The following NTAQ1 variants were observed in gnomAD, a reference collection of about 807,000 sequenced individuals.
NTAQ1 encodes protein N-terminal glutamine amidohydrolase.
Under a neutral mutation model 28.2 loss-of-function variants are expected in NTAQ1, and 21 were observed. That is an observed-to-expected ratio of 0.74 (90% CI 0.53 to 1.07). The LOEUF (loss-of-function observed/expected upper bound fraction) is 1.07. Ranked by LOEUF, NTAQ1 falls within the 50% of genes least tolerant of loss-of-function variation. The pLI is 0.00. For missense variants in NTAQ1, 264 were observed against 256.6 expected, an observed-to-expected ratio of 1.03 and a Z score of -0.20; for synonymous variants, 105 against 90.0, an observed-to-expected ratio of 1.17 and a Z score of -0.94.
rs1037449974 is a variant in NTAQ1, at chr8:123,416,893, G to A, written c.44G>A (p.Ser15Asn). The change falls in exon 1 of 6, where the codon AGC (serine) becomes AAC (asparagine). Residue 15 changes from serine (S) to asparagine (N), a missense_variant. Coordinates refer to ENST00000287387, the MANE Select transcript of NTAQ1 (RefSeq NM_018024.3). ...GCTGCTGTCCACTACCAGCCGGCCA[G>A]CCCCCCGCGGGACGCCTGCGTCTAC... ...GPAAVHYQPA[S>N]PPRDACVYSS... is the part of the protein sequence containing the mutation. 1.3e-6 allele frequency: 2 copies of A among 1,526,196 alleles called. No individual in the cohort carries two copies. The highest frequency in any genetic ancestry group is 1.8e-6 in the Non-Finnish European group (2 of 1,137,608). 94.5% of individuals were successfully genotyped at this position (1,526,196 alleles called of 1,614,324 possible).
chr8:123,448,008 G>C (rs7012343), intron 6 of NTAQ1: 108,820 of 152,022 alleles, frequency 0.72, 39,270 homozygotes, highest in East Asian at 0.93. Flanking sequence ...TGTGAAACTC[G>C]TGCCCACTCC....
At position 123,441,629 on chromosome 8, in the gene NTAQ1, A is replaced by G. The variant is rs1815074743; in HGVS notation, c.*214A>G. ...CAAATTGAAACTTGATAAAGTGCGTACTTGCTAAGATATTCCTGTGGCTCA... is the reference window on the plus strand; with the variant it reads ...CAAATTGAAACTTGATAAAGTGCGTGCTTGCTAAGATATTCCTGTGGCTCA... On this transcript the variant is annotated 3_prime_UTR_variant, in exon 6 of 6. Coordinates refer to ENST00000287387, the MANE Select transcript of NTAQ1 (RefSeq NM_018024.3). 1 of 564,382 alleles carries G rather than the reference A, an allele frequency of 1.8e-6. No individual in the cohort carries two copies. Among genetic ancestry groups the G allele is most frequent in the South Asian group, 2.3e-5 (1 of 43,928 alleles). The allele number at this position is 564,382 out of a possible 1,614,324, so 35.0% of individuals were successfully genotyped here. A position where few individuals can be genotyped will look rare whatever the true frequency, so the allele number is the denominator to read the frequency against.
In NTAQ1 at chr8:123,441,365, G is replaced by A. The variant is rs148930212; in HGVS notation, c.568G>A (p.Val190Ile). The change falls in exon 6 of 6, where the codon GTC becomes ATC. Residue 190 changes from valine to isoleucine, a missense_variant. Coordinates refer to ENST00000287387, the MANE Select transcript of NTAQ1 (RefSeq NM_018024.3). Reference sequence around the variant, plus strand: ...GGATCCCAAGGTAGGATGGGGCGCCGTCTACACACTATCCGAATTTACACA... The same window carrying A: ...GGATCCCAAGGTAGGATGGGGCGCCATCTACACACTATCCGAATTTACACA... ...SMDPKVGWGAVYTLSEFTHRF... is the reference protein window; with the variant it reads ...SMDPKVGWGAIYTLSEFTHRF... 4.1e-4 allele frequency: 663 copies of A among 1,612,016 alleles called. No homozygotes were observed. The Middle Eastern group carries it at 5.1e-3, about 12-fold the overall frequency.
At chr8:123,447,039 G>A (rs75337987), downstream of NTAQ1, among the ~76,000 whole-genome samples, 6 of 140,334 alleles carry the variant, frequency 4.3e-5, no homozygotes, top group Admixed American at 7.3e-5. Context: ...TATTCTGTCT[G>A]TCTATCTATA....
In NTAQ1 at chr8:123,459,698, T is replaced by C. The variant is rs984979867; in HGVS notation, c.373-7381T>C. ...GGTACCTGGGGCAGAGACCCAATAA[T>C]TCCAACAAAAGTTTCTCCTAGAACC... On this transcript the variant is annotated intron_variant, in intron 6 of 6. Coordinates refer to the NTAQ1 transcript ENST00000650311. Among the ~76,000 whole-genome samples the C allele has an allele frequency of 3.3e-5, 5 of 152,082 alleles. No individual in the cohort carries two copies. In the South Asian group the frequency reaches 1.0e-3, roughly 32 times the overall value.
intron 1 of NTAQ1, among the ~76,000 whole-genome samples, chr8:123,420,235 T>C (rs1448245175): frequency 6.6e-6 from 1 of 152,188 alleles, no homozygotes; most frequent in Admixed American, 6.5e-5. Context: ...TTGCTGCAAA[T>C]GACATGATTT....
intron 6 of NTAQ1, among the ~76,000 whole-genome samples, chr8:123,457,048 A>T (rs530589512): frequency 3.9e-4 from 59 of 152,206 alleles, no homozygotes; most frequent in South Asian, 1.4e-3. Context: ...AAAATTTTTT[A>T]AAAAATCTAT....
At chr8:123,429,248 T>G (rs1021461782) in intron 2 of NTAQ1, among the ~76,000 whole-genome samples, 1 of 152,138 alleles carries the variant, frequency 6.6e-6, no homozygotes, top group Non-Finnish European at 1.5e-5. Context: ...CTAGTTCAGA[T>G]CCCTTTTCAC....
intron 3 of NTAQ1, chr8:123,435,604 C>T: frequency 1.1e-6 from 1 of 889,242 alleles, no homozygotes; most frequent in Non-Finnish European, 1.3e-6. Flanking sequence ...CTGTGGCTCA[C>T]ACCTGTAATT....
intron 1 of NTAQ1, among the ~76,000 whole-genome samples, chr8:123,425,124 C>T (rs2130186880): frequency 6.6e-6 from 1 of 152,062 alleles, no homozygotes; most frequent in African/African-American, 2.4e-5. Flanking sequence ...GGTTGTCTCT[C>T]TCTGTCGCCC....
exon 7 of NTAQ1, among the ~76,000 whole-genome samples, chr8:123,469,169 T>G (rs1238819989): frequency 6.6e-6 from 1 of 152,238 alleles, no homozygotes; most frequent in Non-Finnish European, 1.5e-5. Context: ...ATTCCATAAG[T>G]TGCCTTTTCA....
downstream of NTAQ1, among the ~76,000 whole-genome samples, chr8:123,443,548 T>G (rs1310772929): frequency 6.6e-6 from 1 of 152,194 alleles, no homozygotes; most frequent in Non-Finnish European, 1.5e-5. Context: ...GCCTGCTCTG[T>G]ATCAGATTGA....
chr8:123,428,053 A>G (rs747931442), intron 2 of NTAQ1, 30 bp downstream of exon 2: 7 of 1,508,756 alleles, frequency 4.6e-6, no homozygotes, highest in Non-Finnish European at 4.5e-6. Flanking sequence ...CAGAAAGAAA[A>G]CAAGAGATTT....
intron 1 of NTAQ1, among the ~76,000 whole-genome samples, chr8:123,419,096 T>TG (rs1813500742): frequency 1.6e-4 from 1 of 6,118 alleles, no homozygotes; most frequent in Admixed American, 5.2e-3. Context: ...TTTTTTTTTT[T>TG]TTTTTTTTTT....
intron 5 of NTAQ1, among the ~76,000 whole-genome samples, chr8:123,438,454 G>A (rs944552481): frequency 9.9e-5 from 15 of 152,098 alleles, no homozygotes; most frequent in Non-Finnish European, 7.4e-5. Context: ...TCAGGAGTTC[G>A]AGACTAGCCT....
At chr8:123,470,318 G>C (rs774708549), downstream of NTAQ1, among the ~76,000 whole-genome samples, 1 of 152,186 alleles carries the variant, frequency 6.6e-6, no homozygotes, top group Non-Finnish European at 1.5e-5. Flanking sequence ...TCCTCTCAAG[G>C]GTTCGTGAAC....
At position 123,416,890 on chromosome 8, in the gene NTAQ1, C is replaced by T; in HGVS notation, c.41C>T (p.Ala14Val). ...CCCGCTGCTGTCCACTACCAGCCGG[C>T]CAGCCCCCCGCGGGACGCCTGCGTC... Reference protein sequence around the residue: ...NGPAAVHYQPASPPRDACVYS... With the variant: ...NGPAAVHYQPVSPPRDACVYS... The change falls in exon 1 of 6, where the codon GCC becomes GTC. Residue 14 changes from alanine (A) to valine (V), a missense_variant. By Grantham distance (64) the Ala-to-Val change is moderately conservative. Transcript: ENST00000287387. 2 of 1,526,834 alleles carry T rather than the reference C, an allele frequency of 1.3e-6. No individual in the cohort carries two copies. The highest frequency in any genetic ancestry group is 8.8e-7 in the Non-Finnish European group (1 of 1,137,832). 94.6% of individuals were successfully genotyped at this position (1,526,834 alleles called of 1,614,324 possible). A position where few individuals can be genotyped will look rare whatever the true frequency, so the allele number is the denominator to read the frequency against.
chr8:123,474,541 C>G (rs1177839043), downstream of NTAQ1, among the ~76,000 whole-genome samples: 3 of 152,158 alleles, frequency 2.0e-5, no homozygotes, highest in Non-Finnish European at 1.5e-5. Flanking sequence ...GTGGTGTCTT[C>G]CAGGTTTCTC....
intron 3 of NTAQ1, among the ~76,000 whole-genome samples, chr8:123,431,781 G>T (rs1814412892): frequency 6.6e-6 from 1 of 152,212 alleles, no homozygotes; most frequent in South Asian, 2.1e-4. Flanking sequence ...AGGCTTAAAT[G>T]AGGTAATGCA....
Sources: gnomAD v4.1 joint callset for allele counts (sites outside exome capture counted in the v4.1 genomes callset) on GRCh38, gnomAD v4.1.1 for gene constraint, MANE v1.5 for transcripts, NCBI Gene and HGNC (gene_info 2026-07-23, HGNC 2026-07-21) for gene names.